Variants in CIB1 observed in about 807,000 individuals in gnomAD.
CIB1 encodes calcium and integrin binding 1.
Under a neutral mutation model 25.0 loss-of-function variants are expected in CIB1, and 19 were observed. The observed-to-expected ratio is 0.76, with a 90% CI of 0.53 to 1.12. The LOEUF is 1.12. CIB1 is among the 50% of genes most tolerant of loss of function. The probability of loss-of-function intolerance (pLI) is 0.00; values close to 1 mark genes in which losing one functional copy is unlikely to be tolerated. For synonymous variants in CIB1, 104 were observed against 98.5 expected, an observed-to-expected ratio of 1.06 and a Z score of -0.33; for missense variants, 236 against 242.6, an observed-to-expected ratio of 0.97 and a Z score of 0.18.
At chr15:90,246,638 A>T in the CIB1 span, among the ~76,000 whole-genome samples, 2 of 151,374 alleles carry the variant, frequency 1.3e-5, no homozygotes. Context: ...AAATACAAAA[A>T]TTAGCCCCGT....
chr15:90,244,395 G>C, the CIB1 span: 2 of 152,088 alleles, frequency 1.3e-5, no homozygotes, highest in Admixed American at 6.6e-5. Flanking sequence ...TCATTGCTTT[G>C]TTCTGTCCTG....
chr15:90,239,305 A>ATGTGTGTG, the CIB1 span, among the ~76,000 whole-genome samples: 1,973 of 147,952 alleles, frequency 0.013, 21 homozygotes, highest in Middle Eastern at 0.041. Flanking sequence ...GAGACATAAA[A>ATGTGTGTG]TGTGTGTGTG....
At chr15:90,231,530 A>C in intron 3 of CIB1, 23 bp from the exon 4 acceptor site, 1 of 1,611,358 alleles carries the variant, frequency 6.2e-7, no homozygotes, top group Non-Finnish European at 8.5e-7. Context: ...ACGCCACAGG[A>C]CGTGGCCCAG....
At chr15:90,237,590 C>A (rs752418154), upstream of CIB1, among the ~76,000 whole-genome samples, 43 of 152,050 alleles carry the variant, frequency 2.8e-4, no homozygotes, top group Non-Finnish European at 5.6e-4. Context: ...GCACCCAGCC[C>A]CTCATTGTGA....
chr15:90,240,861 G>A, the CIB1 span: 2 of 1,283,178 alleles, frequency 1.6e-6, no homozygotes, highest in South Asian at 1.3e-5. Context: ...CTGGAGGTGG[G>A]TTACCATCAT....
the CIB1 span, chr15:90,265,023 G>A: frequency 6.8e-7 from 1 of 1,477,006 alleles, no homozygotes; most frequent in Non-Finnish European, 9.0e-7. Flanking sequence ...TTTCCAAAGG[G>A]CATTAAATCT....
chr15:90,241,191 G>A, the CIB1 span: 13 of 1,614,020 alleles, frequency 8.1e-6, no homozygotes, highest in East Asian at 4.5e-5. Flanking sequence ...TGTGGGTTTC[G>A]TGGCTCAGCT....
the CIB1 span, chr15:90,257,140 C>T: frequency 6.2e-7 from 1 of 1,613,106 alleles, no homozygotes; most frequent in African/African-American, 1.3e-5. Flanking sequence ...GCTCCCAGCC[C>T]CTCCTCATTG....
At position 90,230,974 on chromosome 15, in the gene CIB1, CAGAG is replaced by C. The variant is rs754257962; in HGVS notation, c.510_513del (p.Glu172SerfsTer89). On this transcript the variant is annotated frameshift_variant, in exon 6 of 7. Coordinates refer to ENST00000328649, the MANE Select transcript of CIB1 (RefSeq NM_006384.4). LOFTEE classifies it high-confidence loss of function. ...GAACGGGAGATGACGTGCTGGAACT[CAGAG>C]AGGTTGATGGTTCCATCCCTGTCAA... 6.8e-6 allele frequency: 11 copies of C among 1,614,018 alleles called. No individual in the cohort carries two copies. The highest frequency in any genetic ancestry group is 5.3e-5 in the African/African-American group (4 of 74,922).
chr15:90,251,691 C>A, the CIB1 span: 2 of 1,414,266 alleles, frequency 1.4e-6, no homozygotes, highest in Non-Finnish European at 2.0e-6. Context: ...GGCTTCCAGC[C>A]CCTGGGGCCT....
chr15:90,264,919 C>G, the CIB1 span: 2 of 1,536,096 alleles, frequency 1.3e-6, no homozygotes, highest in Non-Finnish European at 1.7e-6. Flanking sequence ...CGTCTGCACC[C>G]ATGCTGCAGC....
At chr15:90,240,180 G>A in the CIB1 span, among the ~76,000 whole-genome samples, 11 of 148,884 alleles carry the variant, frequency 7.4e-5, no homozygotes, top group African/African-American at 2.2e-4. Flanking sequence ...CCAAGATAGC[G>A]CCATTGCACT....
chr15:90,251,667 T>C, the CIB1 span: 1 of 1,551,096 alleles, frequency 6.4e-7, no homozygotes, highest in South Asian at 1.1e-5. Context: ...TCCTCTGGAA[T>C]GGACCCCCGA....
In CIB1 at chr15:90,231,503, T is replaced by C. The variant is rs557352577; in HGVS notation, c.200A>G (p.Asn67Ser). The change falls in exon 4 of 7, where the codon AAC becomes AGC. Residue 67 changes from asparagine to serine, a missense_variant. By Grantham distance (46) the Asn-to-Ser change is conservative. Transcript: ENST00000328649. ...CCTGCAGATTCGCTCCTTGAAGGGG[T>C]TGGCCTAGGAGAACAAACGCCACAG... ...QILSLPELKA[N>S]PFKERICRVF... 25 of 1,613,670 alleles carry C rather than the reference T, an allele frequency of 1.5e-5. No individual in the cohort carries two copies. The African/African-American group carries it at 2.4e-4, about 15-fold the overall frequency.
the CIB1 span, among the ~76,000 whole-genome samples, chr15:90,256,581 CTTT>C: frequency 7.8e-4 from 28 of 35,690 alleles, no homozygotes; most frequent in South Asian, 6.8e-3. Flanking sequence ...TTCTTTCTTT[CTTT>C]CTTTCTTTCT....
chr15:90,258,096 TG>T, the CIB1 span: 1 of 1,614,130 alleles, frequency 6.2e-7, no homozygotes, highest in Non-Finnish European at 8.5e-7. Context: ...TGGAGAGCTG[TG>T]GGGGGACATC....
At chr15:90,240,038 A>C in the CIB1 span, among the ~76,000 whole-genome samples, 1 of 152,024 alleles carries the variant, frequency 6.6e-6, no homozygotes, top group Non-Finnish European at 1.5e-5. Context: ...AGCCAGACCA[A>C]CATGGTGAAA....
the CIB1 span, chr15:90,265,739 G>A: frequency 6.2e-7 from 1 of 1,613,336 alleles, no homozygotes; most frequent in Non-Finnish European, 8.5e-7. Flanking sequence ...GTCTCTTGCT[G>A]GGCGGGCGCG....
At chr15:90,244,911 G>A in the CIB1 span, 2 of 152,192 alleles carry the variant, frequency 1.3e-5, no homozygotes, top group African/African-American at 4.8e-5. Flanking sequence ...AGGAATGAGA[G>A]TCCCTGTTCA....
Sources: gnomAD v4.1 joint callset for allele counts (sites outside exome capture counted in the v4.1 genomes callset) on GRCh38, gnomAD v4.1.1 for gene constraint, MANE v1.5 for transcripts, NCBI Gene and HGNC (gene_info 2026-07-23, HGNC 2026-07-21) for gene names.